RPS6KC1: variants seen among roughly 807,000 people sequenced by gnomAD.
The protein encoded by RPS6KC1 is inactive ribosomal protein S6 kinase delta-1.
In RPS6KC1, 54 loss-of-function variants were observed where a neutral mutation model predicts 103.8. The ratio of observed to expected loss-of-function variants is 0.52; its 90% confidence interval spans 0.42 to 0.65. The LOEUF (loss-of-function observed/expected upper bound fraction) is 0.65. Among genes scored for constraint, RPS6KC1 ranks in the 30% least tolerant of loss-of-function variants. The pLI is 0.00. For synonymous variants in RPS6KC1, 439 were observed against 438.7 expected, an observed-to-expected ratio of 1.00 and a Z score of -0.01; for missense variants, 1,151 against 1,253.8, an observed-to-expected ratio of 0.92 and a Z score of 1.24.
the RPS6KC1 span, among the ~76,000 whole-genome samples, chr1:213,475,771 C>G: frequency 2.6e-5 from 4 of 152,302 alleles, no homozygotes; most frequent in African/African-American, 9.6e-5. Context: ...CGGGAAATGG[C>G]CATCTTTGGC....
At chr1:213,711,135 G>A in the RPS6KC1 span, among the ~76,000 whole-genome samples, 44,739 of 151,994 alleles carry the variant, frequency 0.29, 7,915 homozygotes, top group African/African-American at 0.49. Context: ...CATTTTCCCT[G>A]TCAGTTTCAG....
chr1:213,734,523 GTGCATGTGTGAA>G, the RPS6KC1 span, among the ~76,000 whole-genome samples: 1 of 152,216 alleles, frequency 6.6e-6, no homozygotes, highest in Non-Finnish European at 1.5e-5. Context: ...GAGTGTGTGA[GTGCATGTGTGAA>G]TGTGTGTGTG....
chr1:213,525,858 G>A, the RPS6KC1 span, among the ~76,000 whole-genome samples: 1 of 152,122 alleles, frequency 6.6e-6, no homozygotes, highest in African/African-American at 2.4e-5. Context: ...AGAGTGGTGG[G>A]GGGAAGGCTG....
At chr1:213,522,538 C>T in the RPS6KC1 span, among the ~76,000 whole-genome samples, 1 of 152,214 alleles carries the variant, frequency 6.6e-6, no homozygotes, top group Non-Finnish European at 1.5e-5. Flanking sequence ...TATGAAAGTC[C>T]TAGATAGCAT....
chr1:213,742,021 A>G, the RPS6KC1 span, among the ~76,000 whole-genome samples: 1 of 152,218 alleles, frequency 6.6e-6, no homozygotes, highest in African/African-American at 2.4e-5. Context: ...AGGAGGAACC[A>G]GTGCAAATTG....
chr1:213,254,102 G>T (rs1474065804), intron 12 of RPS6KC1, among the ~76,000 whole-genome samples: 1 of 152,134 alleles, frequency 6.6e-6, no homozygotes, highest in African/African-American at 2.4e-5. Flanking sequence ...GGTAGGCAAA[G>T]CACATTTTAT....
chr1:213,401,862 T>C, the RPS6KC1 span, among the ~76,000 whole-genome samples: 1 of 152,156 alleles, frequency 6.6e-6, no homozygotes, highest in Non-Finnish European at 1.5e-5. Context: ...TCATAATTCA[T>C]TGCAGCCTCT....
chr1:213,672,371 T>C, the RPS6KC1 span, among the ~76,000 whole-genome samples: 1 of 152,220 alleles, frequency 6.6e-6, no homozygotes, highest in Non-Finnish European at 1.5e-5. Context: ...CATTTCAATC[T>C]GATTCCAGCC....
At chr1:213,369,692 G>C in the RPS6KC1 span, among the ~76,000 whole-genome samples, 1 of 152,238 alleles carries the variant, frequency 6.6e-6, no homozygotes, top group South Asian at 2.1e-4. Context: ...CAAATTAACT[G>C]GATAATTGCC....
chr1:213,770,786 C>A, the RPS6KC1 span, among the ~76,000 whole-genome samples: 2 of 152,184 alleles, frequency 1.3e-5, no homozygotes, highest in African/African-American at 4.8e-5. Flanking sequence ...CCTTTCAGAT[C>A]TCATTTCTTC....
the RPS6KC1 span, among the ~76,000 whole-genome samples, chr1:213,705,409 A>C: frequency 6.6e-6 from 1 of 152,178 alleles, no homozygotes; most frequent in Non-Finnish European, 1.5e-5. Flanking sequence ...CACCACCACC[A>C]GCCTTTGAAG....
chr1:213,773,250 G>C, the RPS6KC1 span, among the ~76,000 whole-genome samples: 1 of 43,910 alleles, frequency 2.3e-5, no homozygotes, highest in African/African-American at 4.8e-5. Context: ...CCTGTTGCAG[G>C]CCCTTTGGAG....
the RPS6KC1 span, among the ~76,000 whole-genome samples, chr1:213,314,669 T>C: frequency 6.6e-6 from 1 of 151,994 alleles, no homozygotes; most frequent in Non-Finnish European, 1.5e-5. Flanking sequence ...TTTTTTTTTT[T>C]TTCCTTCTGG....
chr1:213,842,557 C>T, the RPS6KC1 span, among the ~76,000 whole-genome samples: 1 of 152,154 alleles, frequency 6.6e-6, no homozygotes, highest in Non-Finnish European at 1.5e-5. Flanking sequence ...AGAACTTTTG[C>T]CTGACATCCC....
the RPS6KC1 span, among the ~76,000 whole-genome samples, chr1:213,361,693 G>A: frequency 4.1e-4 from 63 of 152,266 alleles, no homozygotes; most frequent in Non-Finnish European, 7.5e-4. Context: ...ACTGCCCTGC[G>A]GTCATTCTTA....
the RPS6KC1 span, among the ~76,000 whole-genome samples, chr1:213,388,819 G>A: frequency 5.9e-5 from 9 of 152,218 alleles, no homozygotes; most frequent in African/African-American, 1.9e-4. Context: ...CCGCCCTGGC[G>A]AGGGAGGGTT....
At chr1:213,218,857 T>TTC (rs2093743016) in intron 8 of RPS6KC1, among the ~76,000 whole-genome samples, 1 of 152,092 alleles carries the variant, frequency 6.6e-6, no homozygotes, top group Admixed American at 6.6e-5. Flanking sequence ...TTACACCTTA[T>TTC]AAAAAAATTA....
chr1:213,571,805 A>G, the RPS6KC1 span, among the ~76,000 whole-genome samples: 1 of 152,190 alleles, frequency 6.6e-6, no homozygotes, highest in African/African-American at 2.4e-5. Context: ...TCAGGGTTGA[A>G]GCCAGGGGCA....
chr1:213,336,666 C>T, the RPS6KC1 span, among the ~76,000 whole-genome samples: 7 of 152,120 alleles, frequency 4.6e-5, no homozygotes, highest in Non-Finnish European at 8.8e-5. Flanking sequence ...GCAGATATTA[C>T]TCTTATTCCC....
Sources: allele counts gnomAD v4.1 joint callset (sites outside exome capture counted in the v4.1 genomes callset), GRCh38; gene constraint gnomAD v4.1.1; transcripts MANE v1.5; gene names NCBI Gene and HGNC (gene_info 2026-07-23, HGNC 2026-07-21).